Variants in PLXDC2 observed in about 807,000 individuals in gnomAD.
PLXDC2 encodes plexin domain containing 2, also known as plexin domain-containing protein 2.
In PLXDC2, 40 loss-of-function variants were observed where a neutral mutation model predicts 68.9. That is an observed-to-expected ratio of 0.58 (90% CI 0.45 to 0.76). PLXDC2 has a LOEUF of 0.76. PLXDC2 is among the 30% of genes least tolerant of loss of function. The probability of loss-of-function intolerance (pLI) is 0.00; values close to 1 mark genes in which losing one functional copy is unlikely to be tolerated. For synonymous variants in PLXDC2, 243 were observed against 234.2 expected, an observed-to-expected ratio of 1.04 and a Z score of -0.34; for missense variants, 644 against 661.9, an observed-to-expected ratio of 0.97 and a Z score of 0.30.
At chr10:20,029,289 T>C (rs1025836169) in intron 2 of PLXDC2, among the ~76,000 whole-genome samples, 3 of 152,182 alleles carry the variant, frequency 2.0e-5, no homozygotes, top group Non-Finnish European at 4.4e-5. Flanking sequence ...GGCTGCAGAC[T>C]TCTAGAGAGC....
intron 1 of PLXDC2, among the ~76,000 whole-genome samples, chr10:19,930,491 C>T (rs1833609841): frequency 6.6e-6 from 1 of 152,048 alleles, no homozygotes; most frequent in Admixed American, 6.6e-5. Context: ...GATATTTGTA[C>T]TCAGAATTTT....
intron 1 of PLXDC2, among the ~76,000 whole-genome samples, chr10:19,987,516 A>C (rs1415224979): frequency 2.0e-5 from 3 of 148,936 alleles, no homozygotes; most frequent in Non-Finnish European, 4.5e-5. Context: ...TCCTTTTTTT[A>C]CTCTAGGTTG....
At chr10:20,008,874 A>G (rs542210507) in intron 2 of PLXDC2, among the ~76,000 whole-genome samples, 1 of 152,284 alleles carries the variant, frequency 6.6e-6, no homozygotes, top group South Asian at 2.1e-4. Flanking sequence ...CATGCAAGAC[A>G]TGACTTTGCT....
At position 19,918,858 on chromosome 10, in the gene PLXDC2, A is replaced by G. The variant is rs115083783; in HGVS notation, c.113-82917A>G. Among the ~76,000 whole-genome samples, 883 of 152,352 alleles carry G rather than the reference A, an allele frequency of 5.8e-3. 11 individuals carry two copies. Among genetic ancestry groups the G allele is most frequent in the African/African-American group, 0.017 (689 of 41,584 alleles). ...GTAATAGATTGCTAAGCATTTCTCA[A>G]TCGTTAAGAAGTTATTTCATCATGT... On this transcript the variant is annotated intron_variant, in intron 1 of 13. Coordinates refer to ENST00000377252, the MANE Select transcript of PLXDC2 (RefSeq NM_032812.9).
intron 1 of PLXDC2, among the ~76,000 whole-genome samples, chr10:19,980,146 G>T (rs1425924230): frequency 2.0e-5 from 3 of 152,064 alleles, no homozygotes; most frequent in Non-Finnish European, 4.4e-5. Flanking sequence ...ATGTCTATTT[G>T]ATGGTGTGAC....
At chr10:19,900,981 A>ATATG (rs781656066) in intron 1 of PLXDC2, among the ~76,000 whole-genome samples, 1 of 144,482 alleles carries the variant, frequency 6.9e-6, no homozygotes, top group African/African-American at 2.5e-5. Flanking sequence ...TATATGTGTG[A>ATATG]TGTGTGTGTG....
At chr10:19,964,731 A>G (rs1192663059) in intron 1 of PLXDC2, among the ~76,000 whole-genome samples, 2 of 150,390 alleles carry the variant, frequency 1.3e-5, no homozygotes, top group African/African-American at 2.5e-5. Context: ...GGCAGGCACC[A>G]TTTGTTTTTG....
chr10:19,955,876 C>T (rs1003177321), intron 1 of PLXDC2, among the ~76,000 whole-genome samples: 5 of 151,980 alleles, frequency 3.3e-5, no homozygotes, highest in Admixed American at 6.6e-5. Context: ...GTCAGGAGTT[C>T]GAGACCAGCC....
chr10:20,036,444 A>C (rs1448420635), intron 2 of PLXDC2, among the ~76,000 whole-genome samples: 1 of 152,194 alleles, frequency 6.6e-6, no homozygotes, highest in Non-Finnish European at 1.5e-5. Context: ...ACTGTGAGAC[A>C]TAAATTTCTG....
chr10:20,172,396 C>T (rs915004006), intron 7 of PLXDC2, among the ~76,000 whole-genome samples: 7 of 152,108 alleles, frequency 4.6e-5, no homozygotes, highest in African/African-American at 7.2e-5. Context: ...GTCACAGGCC[C>T]GCAGCCCACC....
chr10:20,177,463 A>T (rs940561440), intron 9 of PLXDC2, 54 bp downstream of exon 9: 3 of 961,626 alleles, frequency 3.1e-6, no homozygotes, highest in East Asian at 3.7e-5. Context: ...ATTTTAAAAG[A>T]TTAGAAATTA....
At chr10:20,108,574 A>T (rs765557578) in intron 4 of PLXDC2, among the ~76,000 whole-genome samples, 14 of 152,204 alleles carry the variant, frequency 9.2e-5, no homozygotes, top group Admixed American at 3.3e-4. Context: ...CGTGGTGGAT[A>T]AGGTAAAATC....
intron 1 of PLXDC2, among the ~76,000 whole-genome samples, chr10:19,997,547 T>G (rs1170102987): frequency 6.6e-6 from 1 of 152,224 alleles, no homozygotes. Flanking sequence ...GTGCTTTGTA[T>G]GTAAAACTCA....
rs149327335 is a variant in PLXDC2, at chr10:20,124,865, T to C, written c.542-18430T>C. On this transcript the variant is annotated intron_variant, in intron 4 of 13. Transcript: ENST00000377252. ...GAATGTCATCAGTTAAGGCAGGAAC[T>C]GGCCATCTGGATGTGTACGTGCAGG... Among the ~76,000 whole-genome samples the C allele has an allele frequency of 1.1e-4, 17 of 152,148 alleles. No homozygotes were observed. In the East Asian group the frequency reaches 3.3e-3, roughly 30 times the overall value.
At chr10:19,993,216 T>C (rs1043031347) in intron 1 of PLXDC2, among the ~76,000 whole-genome samples, 2 of 152,228 alleles carry the variant, frequency 1.3e-5, no homozygotes, top group African/African-American at 4.8e-5. Flanking sequence ...TTTAATACTT[T>C]AGTAAAGATG....
At chr10:20,027,298 A>G (rs1205883410) in intron 2 of PLXDC2, among the ~76,000 whole-genome samples, 1 of 152,034 alleles carries the variant, frequency 6.6e-6, no homozygotes, top group Non-Finnish European at 1.5e-5. Context: ...TGTTTAGTTT[A>G]TAAGGCCTCT....
At chr10:20,106,195 A>AT (rs1165105969) in intron 4 of PLXDC2, among the ~76,000 whole-genome samples, 1 of 152,178 alleles carries the variant, frequency 6.6e-6, no homozygotes, top group Non-Finnish European at 1.5e-5. Flanking sequence ...AGGTTGAAGA[A>AT]TCTCCACTTA....
At chr10:20,204,686 C>T (rs995063596) in intron 9 of PLXDC2, among the ~76,000 whole-genome samples, 3 of 152,104 alleles carry the variant, frequency 2.0e-5, no homozygotes, top group Admixed American at 2.0e-4. Context: ...AAAAATATGA[C>T]CCACTTTCTG....
chr10:20,133,715 T>C (rs1422015481), intron 4 of PLXDC2, among the ~76,000 whole-genome samples: 1 of 152,182 alleles, frequency 6.6e-6, no homozygotes, highest in East Asian at 1.9e-4. Flanking sequence ...TGGGATTCTT[T>C]GGGCGTCATG....
Sources: allele counts gnomAD v4.1 joint callset (sites outside exome capture counted in the v4.1 genomes callset), GRCh38; gene constraint gnomAD v4.1.1; transcripts MANE v1.5; gene names NCBI Gene and HGNC (gene_info 2026-07-23, HGNC 2026-07-21).